TEX2: variants seen among roughly 807,000 people sequenced by gnomAD.
TEX2 encodes the protein testis expressed 2, also known as testis-expressed protein 2.
A neutral mutation model predicts 106.9 loss-of-function variants in TEX2; 53 were observed. The ratio of observed to expected loss-of-function variants is 0.50; its 90% confidence interval spans 0.40 to 0.62. TEX2 has a LOEUF of 0.62. Among genes scored for constraint, TEX2 ranks in the 20% least tolerant of loss-of-function variants. The pLI, the probability that TEX2 is intolerant of heterozygous loss-of-function variation, is 0.00. For missense variants in TEX2, 1,207 were observed against 1,379.0 expected, an observed-to-expected ratio of 0.88 and a Z score of 1.98; for synonymous variants, 523 against 534.8, an observed-to-expected ratio of 0.98 and a Z score of 0.30.
In TEX2 at chr17:64,185,491, T is replaced by C. The variant is rs1468149050; in HGVS notation, c.2424+2677A>G. ...CCCTTGTTTCCTGAATTAAATCCCC[T>C]TCCAAACCAGGCACTAAACATTTGG... On this transcript the variant is annotated intron_variant, in intron 5 of 11. Coordinates refer to ENST00000584379, the MANE Select transcript of TEX2 (RefSeq NM_001288732.2). This position sits in a 1 kb window ranked among gnomAD's most constrained non-coding sequence, Gnocchi z 4.0. Among the ~76,000 whole-genome samples, 1 of 152,136 alleles carries C rather than the reference T, an allele frequency of 6.6e-6. No individual in the cohort carries two copies. Among genetic ancestry groups the C allele is most frequent in the Non-Finnish European group, 1.5e-5 (1 of 68,044 alleles).
chr17:64,259,880 G>A (rs1360577621), intron 1 of TEX2, among the ~76,000 whole-genome samples: 1 of 152,192 alleles, frequency 6.6e-6, no homozygotes, highest in Non-Finnish European at 1.5e-5. Flanking sequence ...CTGACTACAA[G>A]TCTAAGACCC....
intron 6 of TEX2, among the ~76,000 whole-genome samples, chr17:64,175,019 G>A (rs2031564006): frequency 1.3e-5 from 2 of 152,156 alleles, no homozygotes; most frequent in South Asian, 4.1e-4. Flanking sequence ...TGTGTCACAG[G>A]GGAAAGCTCA....
At chr17:64,253,317 C>T (rs1401431495) in intron 1 of TEX2, among the ~76,000 whole-genome samples, 2 of 80,944 alleles carry the variant, frequency 2.5e-5, no homozygotes, top group Non-Finnish European at 2.7e-5. Context: ...TTTAATTTTT[C>T]CTTCTTTCTT....
At chr17:64,259,114 C>T (rs961775467) in intron 1 of TEX2, among the ~76,000 whole-genome samples, 1 of 152,138 alleles carries the variant, frequency 6.6e-6, no homozygotes, top group South Asian at 2.1e-4. Context: ...TGCCTTGCTG[C>T]CCAGTGCAAT....
intron 5 of TEX2, among the ~76,000 whole-genome samples, chr17:64,180,268 A>T (rs2031801515): frequency 6.6e-6 from 1 of 152,222 alleles, no homozygotes; most frequent in African/African-American, 2.4e-5. Context: ...ACCCTTTATT[A>T]GCCTTTCTTT....
intron 1 of TEX2, among the ~76,000 whole-genome samples, chr17:64,228,234 T>C (rs1555634145): frequency 6.6e-6 from 1 of 152,136 alleles, no homozygotes; most frequent in Non-Finnish European, 1.5e-5. Context: ...AATTTTCTCC[T>C]CCTCCCTGCA....
At chr17:64,219,266 G>A (rs2033279079) in intron 1 of TEX2, among the ~76,000 whole-genome samples, 1 of 152,134 alleles carries the variant, frequency 6.6e-6, no homozygotes, top group Admixed American at 6.5e-5. Context: ...AGCACTTTGG[G>A]AGGCTGAGGT....
intron 1 of TEX2, among the ~76,000 whole-genome samples, chr17:64,232,409 G>A (rs2033678953): frequency 1.3e-5 from 2 of 151,942 alleles, no homozygotes; most frequent in African/African-American, 2.4e-5. Context: ...GATTAATTCT[G>A]TGTATTATTC....
intron 6 of TEX2, among the ~76,000 whole-genome samples, chr17:64,175,955 A>G (rs1233556024): frequency 2.0e-5 from 3 of 152,190 alleles, no homozygotes; most frequent in African/African-American, 7.2e-5. Context: ...GCCTTCCATC[A>G]TTTCCAAAAA....
chr17:64,212,838 G>A lies in TEX2; in HGVS notation c.1380C>T (p.Asp460=), dbSNP rs138144200. ...AEDGVVLDSE[D]EVDSAVQHPE... Reference sequence around the variant, plus strand: ...GGTGCTGCACGGCCGAGTCCACCTCGTCCTCACTGTCAAGGACCACACCAT... The same window carrying A: ...GGTGCTGCACGGCCGAGTCCACCTCATCCTCACTGTCAAGGACCACACCAT... The change falls in exon 2 of 12, where the codon GAC becomes GAT. Residue 460 remains aspartate, a synonymous_variant. Coordinates refer to ENST00000584379, the MANE Select transcript of TEX2 (RefSeq NM_001288732.2). 4.4e-5 allele frequency: 71 copies of A among 1,613,896 alleles called. No individual in the cohort carries two copies. The East Asian group carries it at 6.0e-4, about 14-fold the overall frequency.
chr17:64,203,588 G>A (rs886207187), intron 2 of TEX2, among the ~76,000 whole-genome samples: 9 of 152,194 alleles, frequency 5.9e-5, no homozygotes, highest in African/African-American at 1.2e-4. Flanking sequence ...GGGTGGGACC[G>A]TCTAATAAAC....
intron 2 of TEX2, among the ~76,000 whole-genome samples, chr17:64,201,528 A>C (rs1445727010): frequency 2.0e-5 from 3 of 152,178 alleles, no homozygotes; most frequent in Non-Finnish European, 4.4e-5. Context: ...ACAGGTAAGA[A>C]AAGTGGTGAG....
intron 1 of TEX2, among the ~76,000 whole-genome samples, chr17:64,237,475 G>C (rs1281450304): frequency 6.6e-6 from 1 of 152,164 alleles, no homozygotes; most frequent in African/African-American, 2.4e-5. Context: ...TCTGGCTGTA[G>C]TGTGGAAAAT....
At chr17:64,191,175 G>A (rs11079531) in intron 4 of TEX2, among the ~76,000 whole-genome samples, 97,268 of 152,144 alleles carry the variant, frequency 0.64, 32,493 homozygotes, top group East Asian at 0.83. Flanking sequence ...AGTGGTGTGT[G>A]AGCCTTGCTT....
intron 1 of TEX2, among the ~76,000 whole-genome samples, chr17:64,248,867 T>TTGAAAC (rs1297648166): frequency 7.9e-5 from 12 of 152,030 alleles, no homozygotes; most frequent in Non-Finnish European, 1.8e-4. Context: ...AAACCCCATC[T>TTGAAAC]CTACTAAAAA....
chr17:64,187,711 CA>C (rs762126951), intron 5 of TEX2, among the ~76,000 whole-genome samples: 5 of 152,096 alleles, frequency 3.3e-5, no homozygotes, highest in Non-Finnish European at 7.4e-5. Context: ...ATATTCCAAG[CA>C]CATGCCTACA....
At chr17:64,173,551 G>T (rs573839088) in intron 6 of TEX2, among the ~76,000 whole-genome samples, 2 of 152,098 alleles carry the variant, frequency 1.3e-5, no homozygotes, top group Non-Finnish European at 2.9e-5. Flanking sequence ...ATGTTAAAAA[G>T]GTTATAATGT....
chr17:64,262,412 G>C (rs553508340), intron 1 of TEX2, among the ~76,000 whole-genome samples: 1 of 152,196 alleles, frequency 6.6e-6, no homozygotes, highest in African/African-American at 2.4e-5. Context: ...TTCAAAAGGG[G>C]AAGACTCCCC....
intron 4 of TEX2, among the ~76,000 whole-genome samples, chr17:64,192,835 G>T (rs1242106357): frequency 6.6e-6 from 1 of 152,214 alleles, no homozygotes; most frequent in East Asian, 1.9e-4. Context: ...CCTTGTTAGA[G>T]AAAGCCCCAG....
Sources: allele counts gnomAD v4.1 joint callset (sites outside exome capture counted in the v4.1 genomes callset), GRCh38; gene constraint gnomAD v4.1.1; non-coding constraint Gnocchi (gnomAD v3.1); transcripts MANE v1.5; gene names NCBI Gene and HGNC (gene_info 2026-07-23, HGNC 2026-07-21).